The following CATSPERT variants were observed in gnomAD, a reference collection of about 807,000 sequenced individuals.
The protein encoded by CATSPERT is cation channel sperm-associated targeting subunit tau.
the CATSPERT span, chr2:201,493,111 T>A: frequency 5.4e-4 from 821 of 1,528,052 alleles, 6 homozygotes; most frequent in African/African-American, 1.0e-2. Flanking sequence ...GAAAAAAACA[T>A]TGAAGATGTT....
At chr2:201,603,473 G>A in the CATSPERT span, among the ~76,000 whole-genome samples, 20 of 152,104 alleles carry the variant, frequency 1.3e-4, no homozygotes, top group African/African-American at 3.1e-4. Flanking sequence ...AAAATGCGCA[G>A]GCCACATTCA....
At chr2:201,589,102 G>A in the CATSPERT span, among the ~76,000 whole-genome samples, 3 of 151,758 alleles carry the variant, frequency 2.0e-5, no homozygotes, top group South Asian at 6.2e-4. Flanking sequence ...AAAGAAGTCA[G>A]GGATGACACA....
the CATSPERT span, among the ~76,000 whole-genome samples, chr2:201,618,032 T>A: frequency 1.3e-5 from 2 of 152,082 alleles, no homozygotes; most frequent in Admixed American, 6.5e-5. Flanking sequence ...CCAGTTAGAA[T>A]GGCAATCATT....
the CATSPERT span, among the ~76,000 whole-genome samples, chr2:201,508,723 G>C: frequency 6.6e-6 from 1 of 152,180 alleles, no homozygotes; most frequent in Non-Finnish European, 1.5e-5. Flanking sequence ...CACTCCAGTG[G>C]CATTGTGAAG....
chr2:201,505,760 T>C, the CATSPERT span, among the ~76,000 whole-genome samples: 1 of 152,058 alleles, frequency 6.6e-6, no homozygotes, highest in Non-Finnish European at 1.5e-5. Context: ...AATGGAAAAA[T>C]TGGACAAATT....
chr2:201,487,886 A>G, the CATSPERT span: 16 of 1,608,156 alleles, frequency 9.9e-6, no homozygotes, highest in Admixed American at 6.7e-5. Context: ...TAAATCCTCA[A>G]ATTTATCTGA....
chr2:201,599,813 G>C, the CATSPERT span, among the ~76,000 whole-genome samples: 1 of 152,280 alleles, frequency 6.6e-6, no homozygotes, highest in African/African-American at 2.4e-5. Flanking sequence ...TTATTTTCAA[G>C]TATTAATGTT....
At chr2:201,612,599 A>G in the CATSPERT span, among the ~76,000 whole-genome samples, 1 of 150,178 alleles carries the variant, frequency 6.7e-6, no homozygotes, top group East Asian at 2.0e-4. Flanking sequence ...AAAAAAAAAA[A>G]GCCAAGATAG....
the CATSPERT span, among the ~76,000 whole-genome samples, chr2:201,615,659 G>C: frequency 7.9e-5 from 12 of 152,264 alleles, no homozygotes; most frequent in East Asian, 2.3e-3. Flanking sequence ...AGAGAAGCAA[G>C]AGCAAATGCT....
the CATSPERT span, among the ~76,000 whole-genome samples, chr2:201,563,491 G>T: frequency 3.3e-3 from 305 of 93,288 alleles, no homozygotes; most frequent in Middle Eastern, 0.064. Flanking sequence ...CCTCCCGGAC[G>T]GGGCGGCTGG....
the CATSPERT span, among the ~76,000 whole-genome samples, chr2:201,604,935 A>C: frequency 6.6e-6 from 1 of 152,128 alleles, no homozygotes; most frequent in Non-Finnish European, 1.5e-5. Flanking sequence ...ATAGTTCTTC[A>C]GTTTGTTAAG....
the CATSPERT span, among the ~76,000 whole-genome samples, chr2:201,576,491 G>T: frequency 6.6e-6 from 1 of 152,142 alleles, no homozygotes; most frequent in East Asian, 1.9e-4. Flanking sequence ...CCAGACCAGG[G>T]CTCCTTTTGT....
the CATSPERT span, among the ~76,000 whole-genome samples, chr2:201,614,125 A>G: frequency 6.6e-6 from 1 of 152,248 alleles, no homozygotes; most frequent in South Asian, 2.1e-4. Context: ...ATCAAGTTGG[A>G]AAACACTCTT....
chr2:201,529,975 A>G, the CATSPERT span, among the ~76,000 whole-genome samples: 5 of 152,202 alleles, frequency 3.3e-5, no homozygotes, highest in African/African-American at 9.6e-5. Context: ...AAAGGAAGAC[A>G]TATGAAAGGC....
the CATSPERT span, among the ~76,000 whole-genome samples, chr2:201,544,368 A>G: frequency 6.6e-6 from 1 of 152,222 alleles, no homozygotes; most frequent in Non-Finnish European, 1.5e-5. Flanking sequence ...CTTTGGGTAC[A>G]TACCCAGTAA....
chr2:201,535,638 C>G, the CATSPERT span: 1 of 1,142,146 alleles, frequency 8.8e-7, no homozygotes, highest in Non-Finnish European at 1.1e-6. Context: ...ACTGGCATCT[C>G]AAATCACTTT....
chr2:201,507,789 T>TG, the CATSPERT span, among the ~76,000 whole-genome samples: 2 of 152,074 alleles, frequency 1.3e-5, no homozygotes, highest in African/African-American at 2.4e-5. Context: ...GAAGCATGAC[T>TG]GGGGGGGCCT....
At chr2:201,574,544 C>T in the CATSPERT span, among the ~76,000 whole-genome samples, 2 of 152,100 alleles carry the variant, frequency 1.3e-5, no homozygotes, top group African/African-American at 4.8e-5. Flanking sequence ...TGGGATTACA[C>T]TGAGATGCTG....
the CATSPERT span, among the ~76,000 whole-genome samples, chr2:201,499,506 C>T: frequency 1.3e-5 from 2 of 152,102 alleles, no homozygotes. Context: ...CATAACTAAT[C>T]CAGCATTAAG....
Sources: allele counts gnomAD v4.1 joint callset (sites outside exome capture counted in the v4.1 genomes callset), GRCh38; gene constraint gnomAD v4.1.1; transcripts MANE v1.5; gene names NCBI Gene and HGNC (gene_info 2026-07-23, HGNC 2026-07-21).